Variants in PGM5 observed in about 807,000 individuals in gnomAD.
The protein encoded by PGM5 is phosphoglucomutase-like protein 5.
In PGM5, 23 loss-of-function variants were observed where a neutral mutation model predicts 59.2. That is an observed-to-expected ratio of 0.39 (90% CI 0.28 to 0.55). PGM5 has a LOEUF of 0.55. Ranked by LOEUF, PGM5 falls within the 20% of genes least tolerant of loss-of-function variation. The pLI is 0.66. For missense variants in PGM5, 574 were observed against 748.3 expected (o/e 0.77, Z 2.72); for synonymous variants, 214 against 286.0 (o/e 0.75, Z 2.54).
chr9:68,359,638 C>T (rs1396038595), intron 1 of PGM5, among the ~76,000 whole-genome samples: 1 of 152,176 alleles, frequency 6.6e-6, no homozygotes, highest in Non-Finnish European at 1.5e-5. Flanking sequence ...CTGAATTAGA[C>T]TCAGGAATAC....
Position 68,529,917 on chromosome 9 carries a change from G to T in PGM5, c.*261G>T. ...TGGTATCTACATTTTATCACACAAA[G>T]GAACCTCCCCTTTTGACAACAACTG... On this transcript the variant is annotated 3_prime_UTR_variant, in exon 11 of 11. Transcript: ENST00000396396. The T allele has an allele frequency of 3.1e-6, 1 of 318,900 alleles. No individual in the cohort carries two copies. The highest frequency in any genetic ancestry group is 5.8e-6 in the Non-Finnish European group (1 of 173,832). 19.8% of individuals were successfully genotyped at this position (318,900 alleles called of 1,614,324 possible).
chr9:68,474,495 T>A (rs112876053), intron 7 of PGM5, among the ~76,000 whole-genome samples: 6 of 152,128 alleles, frequency 3.9e-5, no homozygotes, highest in African/African-American at 1.4e-4. Flanking sequence ...CTAGCTCAAG[T>A]AGCATGGTTT....
intron 8 of PGM5, among the ~76,000 whole-genome samples, chr9:68,482,188 T>C (rs145393086): frequency 6.4e-4 from 98 of 152,254 alleles, no homozygotes; most frequent in African/African-American, 2.3e-3. Flanking sequence ...AACCCTAGAC[T>C]GAACGTGATC....
intron 6 of PGM5, among the ~76,000 whole-genome samples, chr9:68,426,190 T>A (rs1823234314): frequency 6.6e-6 from 1 of 152,070 alleles, no homozygotes; most frequent in East Asian, 1.9e-4. Context: ...ATGTCTTTCT[T>A]GTGTTTAAAT....
intron 2 of PGM5, among the ~76,000 whole-genome samples, chr9:68,383,639 C>T (rs1412350197): frequency 6.8e-5 from 10 of 148,082 alleles, no homozygotes; most frequent in African/African-American, 1.8e-4. Context: ...ATACATCTAG[C>T]GATCATTTAT....
chr9:68,515,454 C>T (rs1824811302), intron 10 of PGM5, among the ~76,000 whole-genome samples: 1 of 152,214 alleles, frequency 6.6e-6, no homozygotes, highest in African/African-American at 2.4e-5. Context: ...ATGTGGAAGT[C>T]CTTGCTAACT....
At chr9:68,360,749 A>C (rs1362706613) in intron 1 of PGM5, among the ~76,000 whole-genome samples, 1 of 152,226 alleles carries the variant, frequency 6.6e-6, no homozygotes, top group Non-Finnish European at 1.5e-5. Context: ...TGTGTTTGAA[A>C]GTATATTAAA....
chr9:68,478,840 G>A (rs1169176347), intron 7 of PGM5, among the ~76,000 whole-genome samples: 1 of 152,168 alleles, frequency 6.6e-6, no homozygotes, highest in Non-Finnish European at 1.5e-5. Flanking sequence ...CCAAAATAAG[G>A]TCACATTCAC....
At chr9:68,387,111 A>T (rs1822241083) in intron 3 of PGM5, among the ~76,000 whole-genome samples, 1 of 151,916 alleles carries the variant, frequency 6.6e-6, no homozygotes, top group Non-Finnish European at 1.5e-5. Context: ...GCCTCTAAAC[A>T]TTGAGATGTG....
chr9:68,521,849 A>G (rs1824903599), intron 10 of PGM5, among the ~76,000 whole-genome samples: 1 of 152,228 alleles, frequency 6.6e-6, no homozygotes, highest in South Asian at 2.1e-4. Flanking sequence ...GAAAGGGCTC[A>G]GAGATTGTGC....
At chr9:68,426,306 A>C (rs1161753789) in intron 6 of PGM5, among the ~76,000 whole-genome samples, 2 of 151,770 alleles carry the variant, frequency 1.3e-5, no homozygotes, top group Non-Finnish European at 2.9e-5. Context: ...CCTATTTTCC[A>C]GGATTATTGT....
At chr9:68,373,036 A>T (rs62551322) in intron 1 of PGM5, among the ~76,000 whole-genome samples, 23,164 of 151,334 alleles carry the variant, frequency 0.15, 2,277 homozygotes, top group Middle Eastern at 0.24. Flanking sequence ...CATCTAAACC[A>T]TATCAGCCAC....
Position 68,529,164 on chromosome 9 carries a change from CGTGTGTGTGTGTGTGTGT to C in PGM5, c.1615-373_1615-356del, listed in dbSNP as rs3223716. ...AGGATGAAGAATGAGCTTTTATTCT[CGTGTGTGTGTGTGTGTGT>C]GTGTGTGTGTGTGTGTGTGTGTGTG... is the stretch of plus-strand genomic sequence containing the variant. On this transcript the variant is annotated intron_variant, in intron 10 of 10. Transcript: ENST00000396396. Among the ~76,000 whole-genome samples, 7 of 131,952 alleles carry C rather than the reference CGTGTGTGTGTGTGTGTGT, an allele frequency of 5.3e-5. 1 individual carries two copies. The highest frequency in any genetic ancestry group is 4.7e-4 in the East Asian group (2 of 4,272). The allele number at this position is 131,952 out of a possible 152,430, so 86.6% of individuals were successfully genotyped here. A position where few individuals can be genotyped will look rare whatever the true frequency, so the allele number is the denominator to read the frequency against.
chr9:68,385,292 T>G (rs1822188465), intron 3 of PGM5, among the ~76,000 whole-genome samples: 1 of 152,180 alleles, frequency 6.6e-6, no homozygotes. Context: ...TAGCAATAGA[T>G]CTAACATGTT....
chr9:68,512,863 A>G (rs1554689490), intron 10 of PGM5, among the ~76,000 whole-genome samples: 4 of 152,372 alleles, frequency 2.6e-5, no homozygotes, highest in Admixed American at 1.3e-4. Context: ...GGTAATACAT[A>G]AATGAATTAG....
chr9:68,444,986 T>C (rs1433428398), intron 6 of PGM5, among the ~76,000 whole-genome samples: 1 of 152,182 alleles, frequency 6.6e-6, no homozygotes, highest in East Asian at 1.9e-4. Context: ...GCCTGGAGCT[T>C]TGCTTTCTTC....
At chr9:68,486,980 A>G (rs534725393) in intron 9 of PGM5, among the ~76,000 whole-genome samples, 15 of 152,334 alleles carry the variant, frequency 9.8e-5, no homozygotes, top group African/African-American at 3.1e-4. Context: ...TTTTAAAACA[A>G]CCTACTATAT....
intron 9 of PGM5, among the ~76,000 whole-genome samples, chr9:68,488,279 G>T (rs1447642452): frequency 6.6e-6 from 1 of 152,140 alleles, no homozygotes; most frequent in Non-Finnish European, 1.5e-5. Flanking sequence ...GCTTTAGAAA[G>T]CGAAAGGTTT....
chr9:68,459,291 G>C (rs149593926), intron 6 of PGM5, among the ~76,000 whole-genome samples: 1 of 152,142 alleles, frequency 6.6e-6, no homozygotes, highest in South Asian at 2.1e-4. Flanking sequence ...ACACACCCGT[G>C]TAACTACCAT....
Sources: gnomAD v4.1 joint callset for allele counts (sites outside exome capture counted in the v4.1 genomes callset) on GRCh38, gnomAD v4.1.1 for gene constraint, MANE v1.5 for transcripts, NCBI Gene and HGNC (gene_info 2026-07-23, HGNC 2026-07-21) for gene names.